PCSK6: variants seen among roughly 807,000 people sequenced by gnomAD.
PCSK6 encodes paired basic amino acid cleaving enzyme 4.
PCSK6 carries 85 observed loss-of-function variants against 123.3 expected under a neutral mutation model. That is an observed-to-expected ratio of 0.69 (90% CI 0.58 to 0.83). PCSK6 has a LOEUF of 0.83. Ranked by LOEUF, PCSK6 falls within the 40% of genes least tolerant of loss-of-function variation. The pLI, the probability that PCSK6 is intolerant of heterozygous loss-of-function variation, is 0.00. For missense variants in PCSK6, 1,191 were observed against 1,282.3 expected (o/e 0.93, Z 1.09); for synonymous variants, 508 against 516.0 (o/e 0.98, Z 0.21).
rs1390419587 is a variant in PCSK6, at chr15:101,389,499, C to A, written c.1275G>T (p.Met425Ile). 1 of 1,613,514 alleles carries A rather than the reference C, an allele frequency of 6.2e-7. No homozygotes were observed. The highest frequency in any genetic ancestry group is 1.1e-5 in the South Asian group (1 of 91,066). ...GHTGTSVSAP[M>I]VAGIIALALE... is the part of the protein sequence containing the mutation. Reference sequence around the variant, plus strand: ...GAGCCAAGGCGATGATGCCCGCCACCATGGGGGCAGAGACTGAGGTCCCAG... The same window carrying A: ...GAGCCAAGGCGATGATGCCCGCCACAATGGGGGCAGAGACTGAGGTCCCAG... The change falls in exon 9 of 22, where the codon ATG becomes ATT. Residue 425 changes from methionine (M) to isoleucine (I), a missense_variant. Coordinates refer to ENST00000611716, the MANE Select transcript of PCSK6 (RefSeq NM_002570.5).
intron 13 of PCSK6, among the ~76,000 whole-genome samples, chr15:101,354,311 C>G (rs1185594308): frequency 1.3e-5 from 2 of 152,190 alleles, no homozygotes; most frequent in Non-Finnish European, 2.9e-5. Flanking sequence ...CCCACATACA[C>G]ACATACATAC....
At chr15:101,375,690 G>A (rs2041716251) in intron 11 of PCSK6, among the ~76,000 whole-genome samples, 2 of 152,140 alleles carry the variant, frequency 1.3e-5, no homozygotes, top group South Asian at 4.1e-4. Context: ...TCCCAGCTGA[G>A]GTCAAACAAG....
chr15:101,393,134 T>C, intron 8 of PCSK6, 78 bp downstream of exon 8: 1 of 1,172,754 alleles, frequency 8.5e-7, no homozygotes, highest in Non-Finnish European at 1.2e-6. Flanking sequence ...GCCATCTTTC[T>C]GAGAAAGGGA....
intron 13 of PCSK6, among the ~76,000 whole-genome samples, chr15:101,355,046 T>A (rs1451607332): frequency 3.3e-5 from 5 of 152,368 alleles, no homozygotes; most frequent in African/African-American, 1.2e-4. Context: ...TTTGATAAAT[T>A]GGACTTCTTT....
At chr15:101,322,457 T>C in intron 18 of PCSK6, 63 bp downstream of exon 18, 2 of 1,161,424 alleles carry the variant, frequency 1.7e-6, no homozygotes, top group Non-Finnish European at 2.6e-6. Context: ...ACGTGGTAAA[T>C]CCATAACACA....
At chr15:101,319,205 T>C (rs1417990334) in intron 18 of PCSK6, among the ~76,000 whole-genome samples, 3 of 152,214 alleles carry the variant, frequency 2.0e-5, no homozygotes, top group Non-Finnish European at 4.4e-5. Flanking sequence ...CATTTCAGTG[T>C]CTGGCACACA....
At chr15:101,400,307 A>G (rs907892208) in intron 6 of PCSK6, among the ~76,000 whole-genome samples, 1 of 152,144 alleles carries the variant, frequency 6.6e-6, no homozygotes, top group Non-Finnish European at 1.5e-5. Context: ...GACTCTTCCA[A>G]GGCTTAGTGG....
intron 11 of PCSK6, among the ~76,000 whole-genome samples, chr15:101,378,634 C>T (rs2041819881): frequency 6.6e-6 from 1 of 152,200 alleles, no homozygotes; most frequent in Non-Finnish European, 1.5e-5. Context: ...TACCTTGGAG[C>T]AGGGGGCCTG....
chr15:101,405,510 C>T (rs530385174), intron 6 of PCSK6, among the ~76,000 whole-genome samples: 2 of 152,248 alleles, frequency 1.3e-5, no homozygotes, highest in African/African-American at 4.8e-5. Flanking sequence ...GAACCAATCC[C>T]CCCACTGACA....
chr15:101,368,376 G>A (rs996725759), intron 12 of PCSK6, among the ~76,000 whole-genome samples: 3 of 152,238 alleles, frequency 2.0e-5, no homozygotes, highest in African/African-American at 7.2e-5. Flanking sequence ...CCCTGTGCCA[G>A]GGATACATAT....
chr15:101,457,497 C>T (rs2057218822), intron 1 of PCSK6, among the ~76,000 whole-genome samples: 1 of 152,228 alleles, frequency 6.6e-6, no homozygotes, highest in African/African-American at 2.4e-5. Context: ...CATAGTATTT[C>T]TTAAAGAAAA....
At chr15:101,404,941 C>T (rs2042723695) in intron 6 of PCSK6, among the ~76,000 whole-genome samples, 1 of 152,092 alleles carries the variant, frequency 6.6e-6, no homozygotes, top group Non-Finnish European at 1.5e-5. Flanking sequence ...CAGAAGACAT[C>T]CAAAAATACA....
At chr15:101,475,630 C>T (rs2057712011) in intron 1 of PCSK6, among the ~76,000 whole-genome samples, 1 of 150,260 alleles carries the variant, frequency 6.7e-6, no homozygotes, top group African/African-American at 2.5e-5. Context: ...GGACCACAGG[C>T]GTACACCACC....
At chr15:101,361,956 C>CTT (rs10639429) in intron 13 of PCSK6, among the ~76,000 whole-genome samples, 50,948 of 111,164 alleles carry the variant, frequency 0.46, 12,505 homozygotes, top group South Asian at 0.51. Flanking sequence ...CAAGGTGAAG[C>CTT]TTTTTTTTTT....
At chr15:101,353,045 G>A (rs190497358) in intron 13 of PCSK6, among the ~76,000 whole-genome samples, 15 of 152,258 alleles carry the variant, frequency 9.9e-5, no homozygotes, top group African/African-American at 3.1e-4. Flanking sequence ...GGATGGTTTC[G>A]GGGTGATTCA....
At chr15:101,422,997 A>C (rs994417207) in intron 6 of PCSK6, among the ~76,000 whole-genome samples, 1 of 152,058 alleles carries the variant, frequency 6.6e-6, no homozygotes, top group Admixed American at 6.5e-5. Context: ...CCATACAATA[A>C]AAAATTACTA....
chr15:101,470,427 T>G (rs1056943002), intron 1 of PCSK6, among the ~76,000 whole-genome samples: 10 of 152,196 alleles, frequency 6.6e-5, no homozygotes, highest in African/African-American at 2.4e-4. Flanking sequence ...TTTAATTCAC[T>G]TTCCCCATAC....
intron 18 of PCSK6, among the ~76,000 whole-genome samples, chr15:101,320,846 T>C (rs1255786805): frequency 1.3e-5 from 2 of 152,184 alleles, no homozygotes; most frequent in Admixed American, 1.3e-4. Flanking sequence ...TGGCGATGCG[T>C]CTGGAGTTTG....
chr15:101,368,044 G>A (rs1283564566), intron 12 of PCSK6, among the ~76,000 whole-genome samples: 1 of 152,216 alleles, frequency 6.6e-6, no homozygotes, highest in Non-Finnish European at 1.5e-5. Flanking sequence ...TCGAACTCCT[G>A]ACCTCAGGTG....
Sources: gnomAD v4.1 joint callset for allele counts (sites outside exome capture counted in the v4.1 genomes callset) on GRCh38, gnomAD v4.1.1 for gene constraint, MANE v1.5 for transcripts, NCBI Gene and HGNC (gene_info 2026-07-23, HGNC 2026-07-21) for gene names.